The following XIRP2 variants were observed in gnomAD, a reference collection of about 807,000 sequenced individuals.
XIRP2 encodes xin actin binding repeat containing 2.
In XIRP2, 236 loss-of-function variants were observed where a neutral mutation model predicts 277.0. That is an observed-to-expected ratio of 0.85 (90% confidence interval 0.77 to 0.95). The LOEUF (loss-of-function observed/expected upper bound fraction) is 0.95. XIRP2 is among the 40% of genes least tolerant of loss of function. The probability of loss-of-function intolerance (pLI) is 0.00; values close to 1 mark genes in which losing one functional copy is unlikely to be tolerated. For missense variants in XIRP2, 4,640 were observed against 4,157.5 expected (o/e 1.12, Z -3.19); for synonymous variants, 1,490 against 1,416.5 (o/e 1.05, Z -1.17).
At chr2:166,941,987 A>G (rs980339077) in intron 2 of XIRP2, among the ~76,000 whole-genome samples, 16 of 152,214 alleles carry the variant, frequency 1.1e-4, no homozygotes, top group Non-Finnish European at 2.2e-4. Flanking sequence ...CTCTGTGAAA[A>G]TTCTAACCTC....
At chr2:166,908,633 G>A (rs1427687958) in intron 2 of XIRP2, among the ~76,000 whole-genome samples, 1 of 152,098 alleles carries the variant, frequency 6.6e-6, no homozygotes, top group Non-Finnish European at 1.5e-5. Flanking sequence ...GATCCCATTT[G>A]TCAATTTTGG....
intron 2 of XIRP2, among the ~76,000 whole-genome samples, chr2:166,947,704 T>C (rs762715018): frequency 1.6e-4 from 25 of 152,126 alleles, no homozygotes; most frequent in Non-Finnish European, 3.1e-4. Flanking sequence ...TGGTGGTTTC[T>C]TACAAAACTA....
At chr2:167,010,474 C>T (rs915598129) in intron 2 of XIRP2, among the ~76,000 whole-genome samples, 1 of 151,932 alleles carries the variant, frequency 6.6e-6, no homozygotes. Flanking sequence ...TTACTGTAGC[C>T]TTGTAGTATG....
At chr2:167,047,070 A>G (rs898754239) in intron 2 of XIRP2, among the ~76,000 whole-genome samples, 3 of 151,966 alleles carry the variant, frequency 2.0e-5, no homozygotes, top group African/African-American at 7.2e-5. Context: ...CACTGCCTCA[A>G]CTACTGTTAA....
intron 2 of XIRP2, among the ~76,000 whole-genome samples, chr2:167,024,432 G>C (rs1429470300): frequency 5.3e-5 from 8 of 152,048 alleles, no homozygotes; most frequent in East Asian, 1.9e-4. Flanking sequence ...TTTCCTAATT[G>C]AATACCCTTT....
chr2:167,205,856 A>G (rs1471834865), intron 3 of XIRP2, among the ~76,000 whole-genome samples: 1 of 152,024 alleles, frequency 6.6e-6, no homozygotes, highest in African/African-American at 2.4e-5. Context: ...AACCATTTTT[A>G]TGTCTACCTT....
At chr2:167,135,566 A>G (rs74826259) in intron 2 of XIRP2, among the ~76,000 whole-genome samples, 9,563 of 152,148 alleles carry the variant, frequency 0.063, 531 homozygotes, top group African/African-American at 0.15. Context: ...AAAGTCCCTC[A>G]TCAACATTTC....
intron 2 of XIRP2, among the ~76,000 whole-genome samples, chr2:167,056,417 G>GT (rs1326545664): frequency 6.6e-6 from 1 of 152,080 alleles, no homozygotes; most frequent in Non-Finnish European, 1.5e-5. Flanking sequence ...TTTAGATACT[G>GT]TAAGTCTCTC....
intron 3 of XIRP2, among the ~76,000 whole-genome samples, chr2:167,199,676 A>G (rs1359031753): frequency 1.3e-5 from 2 of 152,202 alleles, no homozygotes; most frequent in Non-Finnish European, 2.9e-5. Flanking sequence ...CACACTTTCT[A>G]TTAATCATAG....
At chr2:167,257,244 G>C (rs1695681661) in intron 10 of XIRP2, among the ~76,000 whole-genome samples, 1 of 151,868 alleles carries the variant, frequency 6.6e-6, no homozygotes, top group Non-Finnish European at 1.5e-5. Flanking sequence ...TTGATGTTGA[G>C]GGGGCTATCT....
chr2:166,997,478 T>G (rs934710415), intron 2 of XIRP2, among the ~76,000 whole-genome samples: 7 of 152,094 alleles, frequency 4.6e-5, no homozygotes, highest in African/African-American at 1.4e-4. Context: ...AGAGAATAGG[T>G]TCCATTTAAT....
intron 3 of XIRP2, among the ~76,000 whole-genome samples, chr2:167,197,736 A>G (rs1472476300): frequency 2.0e-5 from 3 of 152,172 alleles, no homozygotes; most frequent in African/African-American, 7.2e-5. Flanking sequence ...CTAGTTTCAT[A>G]TGGAATTTGG....
rs1558918188 is a variant in XIRP2, at chr2:166,925,607, A to AAG, written c.408+21717_408+21718insAG. Among the ~76,000 whole-genome samples, 973 of 141,538 alleles carry AAG rather than the reference A, an allele frequency of 6.9e-3. 13 individuals carry two copies. Among genetic ancestry groups the AAG allele is most frequent in the African/African-American group, 0.025 (925 of 36,830 alleles). 92.9% of individuals were successfully genotyped at this position (141,538 alleles called of 152,430 possible). A position where few individuals can be genotyped will look rare whatever the true frequency, so the allele number is the denominator to read the frequency against. ...TGTATGTGTATATACATATATATAT[A>AAG]TATATATATATATATATATACATAT... On this transcript the variant is annotated intron_variant, in intron 2 of 10. Transcript: ENST00000409195.
intron 2 of XIRP2, among the ~76,000 whole-genome samples, chr2:167,009,585 T>A (rs1473800104): frequency 6.6e-6 from 1 of 152,040 alleles, no homozygotes; most frequent in Non-Finnish European, 1.5e-5. Flanking sequence ...TACCCAGTAA[T>A]GGGATGGCTG....
chr2:166,962,924 G>A (rs1011675418), intron 2 of XIRP2, among the ~76,000 whole-genome samples: 1 of 151,582 alleles, frequency 6.6e-6, no homozygotes, highest in African/African-American at 2.4e-5. Flanking sequence ...TAAGACAGAA[G>A]GAATAAGTTT....
rs568547167 is a variant in XIRP2, at chr2:167,096,292, G to A, written c.409-39617G>A. On this transcript the variant is annotated intron_variant, in intron 2 of 10. Transcript: ENST00000409195. ...TTAATCTTGGGAAGGTGTATGTGTC[G>A]AGGAATTTATCCATTTCTTCTAGAT... is the stretch of plus-strand genomic sequence containing the variant. Among the ~76,000 whole-genome samples the A allele has an allele frequency of 1.6e-4, 24 of 151,570 alleles. 1 individual carries two copies. The South Asian group carries it at 3.8e-3, about 24-fold the overall frequency.
At chr2:167,061,492 A>G (rs768380005) in intron 2 of XIRP2, among the ~76,000 whole-genome samples, 2 of 152,006 alleles carry the variant, frequency 1.3e-5, no homozygotes, top group Non-Finnish European at 2.9e-5. Context: ...GATGCCATTT[A>G]CCCTAGGTTG....
chr2:167,152,529 G>T (rs934469404), intron 3 of XIRP2, among the ~76,000 whole-genome samples: 3 of 152,034 alleles, frequency 2.0e-5, no homozygotes, highest in African/African-American at 7.2e-5. Flanking sequence ...GTTTTAATAT[G>T]TCTTTTGTTG....
chr2:167,241,748 G>A, intron 7 of XIRP2, 29 bp from the exon 8 acceptor site: 1 of 1,578,230 alleles, frequency 6.3e-7, no homozygotes, highest in Non-Finnish European at 8.6e-7. Flanking sequence ...TAATTACATA[G>A]TAACCCTGGT....
Sources: gnomAD v4.1 joint callset for allele counts (sites outside exome capture counted in the v4.1 genomes callset) on GRCh38, gnomAD v4.1.1 for gene constraint, MANE v1.5 for transcripts, NCBI Gene and HGNC (gene_info 2026-07-23, HGNC 2026-07-21) for gene names.